Variants in C8orf34 observed in about 807,000 individuals in gnomAD.
C8orf34 encodes the protein uncharacterized protein C8orf34.
Under a neutral mutation model 68.3 loss-of-function variants are expected in C8orf34, and 65 were observed. The observed-to-expected ratio is 0.95, with a 90% CI of 0.78 to 1.17. C8orf34 has a LOEUF of 1.17. C8orf34 is among the 50% of genes most tolerant of loss of function. The probability of loss-of-function intolerance (pLI) is 0.00; values close to 1 mark genes in which losing one functional copy is unlikely to be tolerated. For missense variants in C8orf34, 664 were observed against 655.4 expected, an observed-to-expected ratio of 1.01 and a Z score of -0.14; for synonymous variants, 244 against 241.2, an observed-to-expected ratio of 1.01 and a Z score of -0.11.
intron 1 of C8orf34, among the ~76,000 whole-genome samples, chr8:68,384,381 T>C (rs1190999408): frequency 1.3e-5 from 2 of 152,208 alleles, no homozygotes; most frequent in Non-Finnish European, 2.9e-5. Context: ...GGCCCAACAA[T>C]ATGTTTGGAA....
At chr8:68,532,865 C>T in intron 6 of C8orf34, 118 bp from the exon 7 acceptor site, 3 of 670,694 alleles carry the variant, frequency 4.5e-6, no homozygotes, top group Non-Finnish European at 7.4e-6. Context: ...TTCCATTATC[C>T]TTGGGGAAAA....
intron 4 of C8orf34, among the ~76,000 whole-genome samples, chr8:68,481,420 C>A (rs1812854595): frequency 6.6e-6 from 1 of 152,204 alleles, no homozygotes; most frequent in Admixed American, 6.5e-5. Flanking sequence ...TACTGGGGCA[C>A]CACCTAGTGG....
chr8:68,734,515 AT>A (rs1172359237), intron 10 of C8orf34, among the ~76,000 whole-genome samples: 2 of 152,140 alleles, frequency 1.3e-5, no homozygotes, highest in Non-Finnish European at 2.9e-5. Context: ...CTCAATTCAA[AT>A]TTTGCTTGTA....
chr8:68,795,676 A>ATGTCAAC (rs1824158939), intron 12 of C8orf34, among the ~76,000 whole-genome samples: 1 of 152,208 alleles, frequency 6.6e-6, no homozygotes, highest in Non-Finnish European at 1.5e-5. Context: ...CTCTGCTTCC[A>ATGTCAAC]CAGAGCCTCT....
chr8:68,717,549 G>T (rs762569804), intron 9 of C8orf34, among the ~76,000 whole-genome samples: 1 of 152,014 alleles, frequency 6.6e-6, no homozygotes, highest in Non-Finnish European at 1.5e-5. Flanking sequence ...GTAAGAGGAG[G>T]CTGGGTGATG....
intron 7 of C8orf34, among the ~76,000 whole-genome samples, chr8:68,590,439 C>G (rs994589595): frequency 6.6e-6 from 1 of 152,020 alleles, no homozygotes; most frequent in African/African-American, 2.4e-5. Context: ...GCCCAAAGTA[C>G]AGAGAACTCA....
At chr8:68,462,484 A>T in intron 3 of C8orf34, among the ~76,000 whole-genome samples, 1 of 151,628 alleles carries the variant, frequency 6.6e-6, no homozygotes, top group Admixed American at 6.6e-5. Flanking sequence ...TCAACAGAAT[A>T]TACATTTTTT....
At chr8:68,540,370 C>G (rs7822626) in intron 7 of C8orf34, among the ~76,000 whole-genome samples, 30,435 of 150,218 alleles carry the variant, frequency 0.2, 4,109 homozygotes, top group African/African-American at 0.39. Flanking sequence ...TATTTTTTAT[C>G]TCTGGCACTT....
chr8:68,816,933 A>G (rs371180567), intron 13 of C8orf34, among the ~76,000 whole-genome samples: 72 of 152,308 alleles, frequency 4.7e-4, no homozygotes, highest in African/African-American at 1.7e-3. Context: ...TGAGATATAT[A>G]TTAAGGATAT....
At chr8:68,783,209 T>C (rs1457233159) in intron 11 of C8orf34, among the ~76,000 whole-genome samples, 1 of 152,146 alleles carries the variant, frequency 6.6e-6, no homozygotes, top group East Asian at 1.9e-4. Context: ...GCAACCTGCC[T>C]CCCACTCTGT....
At chr8:68,348,683 C>A (rs1170109996) in intron 1 of C8orf34, among the ~76,000 whole-genome samples, 1 of 151,932 alleles carries the variant, frequency 6.6e-6, no homozygotes, top group East Asian at 1.9e-4. Flanking sequence ...TTTCTCCTCC[C>A]TGGTTAGCTG....
intron 12 of C8orf34, among the ~76,000 whole-genome samples, chr8:68,808,750 T>G (rs1440526548): frequency 1.8e-4 from 27 of 152,112 alleles, no homozygotes; most frequent in Non-Finnish European, 2.4e-4. Flanking sequence ...TATAAGGGAC[T>G]TGGATTTTAA....
intron 7 of C8orf34, chr8:68,534,694 T>C: frequency 1.0e-6 from 1 of 985,384 alleles, no homozygotes; most frequent in Non-Finnish European, 1.2e-6. Context: ...GCGATTGTGC[T>C]CCATAACTAT....
At chr8:68,635,352 G>A (rs1267225884) in intron 7 of C8orf34, among the ~76,000 whole-genome samples, 3 of 152,162 alleles carry the variant, frequency 2.0e-5, no homozygotes, top group Non-Finnish European at 4.4e-5. Flanking sequence ...GGGCCAGCAT[G>A]TCTGGGCTCC....
chr8:68,767,854 C>T (rs955286762), intron 10 of C8orf34, among the ~76,000 whole-genome samples: 3 of 152,124 alleles, frequency 2.0e-5, no homozygotes, highest in East Asian at 1.9e-4. Context: ...ATCTTAGCAG[C>T]CAGTGATACT....
In C8orf34 at chr8:68,816,388, G is replaced by A. The variant is rs746300973; in HGVS notation, c.1609+443G>A. Reference sequence around the variant, plus strand: ...ACAATTTCGTGTCCATGAATATGAGGCTACTTTATGAACTGGATACACAAA... The same window carrying A: ...ACAATTTCGTGTCCATGAATATGAGACTACTTTATGAACTGGATACACAAA... On this transcript the variant is annotated intron_variant, in intron 13 of 13. Transcript: ENST00000518698. Among the ~76,000 whole-genome samples, 5 of 152,182 alleles carry A rather than the reference G, an allele frequency of 3.3e-5. No homozygotes were observed. The South Asian group carries it at 1.0e-3, about 32-fold the overall frequency.
At chr8:68,692,775 T>C (rs1236072996) in intron 8 of C8orf34, among the ~76,000 whole-genome samples, 1 of 152,044 alleles carries the variant, frequency 6.6e-6, no homozygotes, top group Non-Finnish European at 1.5e-5. Context: ...ACTAGGCAAA[T>C]AGAAGGAAGT....
intron 8 of C8orf34, among the ~76,000 whole-genome samples, chr8:68,670,489 A>G (rs1819975216): frequency 6.6e-6 from 1 of 152,216 alleles, no homozygotes; most frequent in Non-Finnish European, 1.5e-5. Flanking sequence ...TTGAGAGATT[A>G]CCTGGAAGAC....
chr8:68,570,920 C>T (rs1332145237), intron 7 of C8orf34, among the ~76,000 whole-genome samples: 1 of 152,106 alleles, frequency 6.6e-6, no homozygotes, highest in Non-Finnish European at 1.5e-5. Context: ...TAAGATGGTG[C>T]ATGTTAAGGG....
Sources: gnomAD v4.1 joint callset for allele counts (sites outside exome capture counted in the v4.1 genomes callset) on GRCh38, gnomAD v4.1.1 for gene constraint, MANE v1.5 for transcripts, NCBI Gene and HGNC (gene_info 2026-07-23, HGNC 2026-07-21) for gene names.